The following NLGN1 variants were observed in gnomAD, a reference collection of about 807,000 sequenced individuals.
NLGN1 encodes neuroligin 1, also known as neuroligin-1.
Under a neutral mutation model 65.5 loss-of-function variants are expected in NLGN1, and 12 were observed. The observed-to-expected ratio is 0.18, with a 90% CI of 0.12 to 0.30. The LOEUF (loss-of-function observed/expected upper bound fraction) is 0.30, where lower values mean the gene tolerates loss of function less well. Ranked by LOEUF, NLGN1 falls within the 10% of genes least tolerant of loss-of-function variation. NLGN1 has a pLI of 1.00. For missense variants in NLGN1, 750 were observed against 1,007.1 expected (o/e 0.74, Z 3.46); for synonymous variants, 350 against 359.5 (o/e 0.97, Z 0.30).
intron 4 of NLGN1, among the ~76,000 whole-genome samples, chr3:174,273,342 T>TATC (rs1749848801): frequency 2.0e-5 from 3 of 151,704 alleles, no homozygotes; most frequent in African/African-American, 4.8e-5. Context: ...AGAGTTTTTC[T>TATC]ATCTAATGTA....
chr3:173,531,100 A>G (rs1284291675), intron 2 of NLGN1, among the ~76,000 whole-genome samples: 1 of 152,028 alleles, frequency 6.6e-6, no homozygotes, highest in Non-Finnish European at 1.5e-5. Flanking sequence ...ATGGCTGTGT[A>G]TTGTGACACT....
At chr3:174,247,372 G>C (rs1417963842) in intron 4 of NLGN1, among the ~76,000 whole-genome samples, 1 of 152,110 alleles carries the variant, frequency 6.6e-6, no homozygotes, top group Non-Finnish European at 1.5e-5. Context: ...TTTAACACAG[G>C]TTCTTCATTA....
chr3:173,716,740 T>TCAGGGTGAA (rs1769917067), intron 3 of NLGN1, among the ~76,000 whole-genome samples: 2 of 152,048 alleles, frequency 1.3e-5, no homozygotes, highest in Admixed American at 6.6e-5. Context: ...AAGAGAAAGC[T>TCAGGGTGAA]GCATAATGTA....
chr3:173,476,029 C>G (rs1726142799), intron 2 of NLGN1, among the ~76,000 whole-genome samples: 1 of 152,178 alleles, frequency 6.6e-6, no homozygotes, highest in African/African-American at 2.4e-5. Flanking sequence ...CTGTAGTTCT[C>G]TGGCTACAGT....
At chr3:173,789,231 A>G (rs555194019) in intron 3 of NLGN1, among the ~76,000 whole-genome samples, 2 of 152,086 alleles carry the variant, frequency 1.3e-5, no homozygotes, top group African/African-American at 2.4e-5. Flanking sequence ...AGAGAAAGAA[A>G]GAAGGAAGGA....
intron 3 of NLGN1, 144 bp downstream of exon 2, chr3:173,605,235 C>G: frequency 1.5e-6 from 1 of 682,198 alleles, no homozygotes; most frequent in Non-Finnish European, 2.4e-6. Flanking sequence ...GTGCATGGTG[C>G]TCTTTTTGTT....
chr3:174,001,440 T>C (rs1382992123), intron 4 of NLGN1, among the ~76,000 whole-genome samples: 15 of 152,166 alleles, frequency 9.9e-5, no homozygotes, highest in Non-Finnish European at 1.5e-5. Flanking sequence ...ATTCAGCACC[T>C]ACTCTGTGTC....
At chr3:174,289,977 A>T (rs1752575217), downstream of NLGN1, among the ~76,000 whole-genome samples, 1 of 145,858 alleles carries the variant, frequency 6.9e-6, no homozygotes, top group African/African-American at 2.5e-5. Flanking sequence ...ATGTATATAT[A>T]TATATATACA....
At chr3:174,070,532 A>G (rs993017101) in intron 4 of NLGN1, among the ~76,000 whole-genome samples, 4 of 151,574 alleles carry the variant, frequency 2.6e-5, no homozygotes, top group Non-Finnish European at 5.9e-5. Context: ...GGGTTTCACC[A>G]TATTGGCCAG....
chr3:173,846,146 A>G (rs6779415), intron 4 of NLGN1, among the ~76,000 whole-genome samples: 127,836 of 152,110 alleles, frequency 0.84, 54,134 homozygotes, highest in African/African-American at 0.88. Context: ...TACAAGTATA[A>G]TTCCTAAAAC....
chr3:173,999,187 T>C (rs1722823236), intron 4 of NLGN1, among the ~76,000 whole-genome samples: 1 of 152,144 alleles, frequency 6.6e-6, no homozygotes, highest in South Asian at 2.1e-4. Flanking sequence ...AGAGCTACAA[T>C]TGAATAAAAG....
At chr3:173,721,922 G>A (rs1770895141) in intron 3 of NLGN1, among the ~76,000 whole-genome samples, 1 of 140,922 alleles carries the variant, frequency 7.1e-6, no homozygotes, top group Non-Finnish European at 1.5e-5. Context: ...GACATGATGG[G>A]CAACATGAAT....
intron 4 of NLGN1, among the ~76,000 whole-genome samples, chr3:174,083,059 T>C (rs984423069): frequency 6.6e-6 from 1 of 152,178 alleles, no homozygotes; most frequent in South Asian, 2.1e-4. Flanking sequence ...TTCTCTATCA[T>C]TTTATTTAAT....
downstream of NLGN1, among the ~76,000 whole-genome samples, chr3:174,291,124 A>T (rs59876324): frequency 0.027 from 4,127 of 150,610 alleles, 189 homozygotes; most frequent in African/African-American, 0.095. Context: ...AATGGGAATA[A>T]ATAGTAAAAA....
chr3:174,099,824 T>G (rs1308056137), intron 4 of NLGN1, among the ~76,000 whole-genome samples: 1 of 152,138 alleles, frequency 6.6e-6, no homozygotes, highest in Non-Finnish European at 1.5e-5. Flanking sequence ...CAAAGAGAGA[T>G]AAACTGTGAA....
intron 4 of NLGN1, among the ~76,000 whole-genome samples, chr3:174,198,765 A>G (rs899156014): frequency 9.3e-5 from 14 of 150,922 alleles, no homozygotes; most frequent in African/African-American, 3.4e-4. Context: ...GAGTGCCCAC[A>G]CTTCTCTCCC....
At chr3:174,060,378 G>A (rs1024926172) in intron 4 of NLGN1, among the ~76,000 whole-genome samples, 1 of 152,028 alleles carries the variant, frequency 6.6e-6, no homozygotes, top group African/African-American at 2.4e-5. Flanking sequence ...CAGGAAAAGA[G>A]AAAATGGGAA....
intron 3 of NLGN1, among the ~76,000 whole-genome samples, chr3:173,796,462 A>G (rs1476247128): frequency 3.3e-5 from 5 of 152,144 alleles, no homozygotes; most frequent in Admixed American, 3.3e-4. Flanking sequence ...TTCAAAGTTC[A>G]TGTTAGGAGT....
At chr3:173,860,895 C>G (rs572108790) in intron 4 of NLGN1, among the ~76,000 whole-genome samples, 5 of 152,164 alleles carry the variant, frequency 3.3e-5, no homozygotes, top group Non-Finnish European at 4.4e-5. Context: ...CAGTCAGAGA[C>G]AGCATTCAAG....
Sources: gnomAD v4.1 joint callset for allele counts (sites outside exome capture counted in the v4.1 genomes callset) on GRCh38, gnomAD v4.1.1 for gene constraint, MANE v1.5 for transcripts, NCBI Gene and HGNC (gene_info 2026-07-23, HGNC 2026-07-21) for gene names.